Variants in MATN3 observed in about 807,000 individuals in gnomAD.
The protein encoded by MATN3 is matrilin 3.
In MATN3, 48 loss-of-function variants were observed where a neutral mutation model predicts 45.3. The ratio of observed to expected loss-of-function variants is 1.06; its 90% CI spans 0.84 to 1.35. The LOEUF is 1.35. Among genes scored for constraint, MATN3 ranks in the 40% most tolerant of loss-of-function variants. The probability of loss-of-function intolerance (pLI) is 0.00; values close to 1 mark genes in which losing one functional copy is unlikely to be tolerated. For missense variants in MATN3, 599 were observed against 628.0 expected (o/e 0.95, Z 0.49); for synonymous variants, 217 against 245.9 (o/e 0.88, Z 1.10).
Position 19,994,904 on chromosome 2 carries a change from C to T in MATN3, c.1295-495G>A, listed in dbSNP as rs148610489. Among the ~76,000 whole-genome samples the T allele has an allele frequency of 6.6e-3, 997 of 152,002 alleles. 15 individuals are homozygous for T. The highest frequency in any genetic ancestry group is 0.014 in the Middle Eastern group (4 of 294). The stretch of plus-strand genomic sequence containing the variant: ...AGGAGTTCAAGACCACCCTGGGCAA[C>T]GAAGCAAGGCCCTGTCTCTACAAAA... On this transcript the variant is annotated intron_variant, in intron 6 of 7. Transcript: ENST00000407540.
rs1465678108 is a variant in MATN3 at position 20,006,047 on chromosome 2, C to G, written c.487G>C (p.Gly163Arg). 1 of 1,613,924 alleles carries G rather than the reference C, an allele frequency of 6.2e-7. No homozygotes were observed. Among genetic ancestry groups the G allele is most frequent in the Non-Finnish European group, 8.5e-7 (1 of 1,179,900 alleles). Reference protein sequence around the residue: ...ITPLSTGTMSGLAIQTAMDEA... With the variant: ...ITPLSTGTMSRLAIQTAMDEA... ...TCCATTGCTGTCTGGATGGCTAGGC[C>G]TGACATGGTGCCTGTTGACAAGGGT... The change falls in exon 2 of 8, where the codon GGC (glycine) becomes CGC (arginine). Residue 163 changes from glycine to arginine, a missense_variant. Coordinates refer to ENST00000407540, the MANE Select transcript of MATN3 (RefSeq NM_002381.5).
intron 5 of MATN3, among the ~76,000 whole-genome samples, chr2:19,998,472 T>C (rs1031809428): frequency 2.0e-5 from 3 of 152,168 alleles, no homozygotes; most frequent in African/African-American, 4.8e-5. Flanking sequence ...AATATATAAA[T>C]AGGCCAGGCA....
Position 20,006,138 on chromosome 2 carries a change from C to T in MATN3, c.396G>A (p.Lys132=). The part of the protein sequence containing the change: ...VAVVNYASTV[K]IEFQLQAYTD... ...TGTAGGCCTGGAGTTGGAACTCGAT[C>T]TTCACAGTGCTAGCATAGTTCACCA... is the stretch of plus-strand genomic sequence containing the variant. The change falls in exon 2 of 8, where the codon AAG becomes AAA. Residue 132 remains lysine, a synonymous_variant. Transcript: ENST00000407540. 6.2e-7 allele frequency: 1 copy of T among 1,614,008 alleles called. No homozygotes were observed. Among genetic ancestry groups the T allele is most frequent in the African/African-American group, 1.3e-5 (1 of 75,050 alleles).
At chr2:19,997,411 A>G (rs1464671250) in intron 5 of MATN3, 152 bp from the exon 6 acceptor site, 10 of 698,552 alleles carry the variant, frequency 1.4e-5, no homozygotes, top group Non-Finnish European at 2.1e-5. Flanking sequence ...TGCAGGAGCA[A>G]GCCTGTTTTC....
chr2:20,001,791 G>A (rs913687189), intron 4 of MATN3, among the ~76,000 whole-genome samples, 164 bp downstream of exon 4: 2 of 152,150 alleles, frequency 1.3e-5, no homozygotes, highest in Non-Finnish European at 2.9e-5. Flanking sequence ...ATACATACAT[G>A]TTACCATTTC....
In MATN3 at chr2:19,999,921, T is replaced by C. The variant is rs1243728380; in HGVS notation, c.1168+520A>G. On this transcript the variant is annotated intron_variant, in intron 5 of 7. Coordinates refer to ENST00000407540, the MANE Select transcript of MATN3 (RefSeq NM_002381.5). ...TATAAGGCTGAGTTTCACCAATGATTGATCGTCTAGAAACTGCCAGGGAGT... is the reference window on the plus strand; with the variant it reads ...TATAAGGCTGAGTTTCACCAATGATCGATCGTCTAGAAACTGCCAGGGAGT... 2.0e-5 allele frequency among the ~76,000 whole-genome samples: 3 copies of C among 152,340 alleles called. No individual in the cohort carries two copies. In the East Asian group the frequency reaches 5.8e-4, roughly 29 times the overall value.
rs752227809 is a variant in MATN3 at position 19,994,355 on chromosome 2, G to A, written c.1349C>T (p.Ala450Val). Residue 450 changes from alanine (A) to valine (V), a missense_variant, in exon 7 of 8, where the codon GCT (alanine) becomes GTT (valine). By Grantham distance (64) the Ala-to-Val change is moderately conservative. Coordinates refer to ENST00000407540, the MANE Select transcript of MATN3 (RefSeq NM_002381.5). ...GACCTTGTCCTGGAATGCCAGTGTA[G>A]CTTCACATCCACAAGCATCTTCAGT... The part of the protein sequence containing the change: ...VSTEDACGCE[A>V]TLAFQDKVSS... 156 of 1,613,538 alleles carry A rather than the reference G, an allele frequency of 9.7e-5. No homozygotes were observed. Among genetic ancestry groups the A allele is most frequent in the Non-Finnish European group, 1.3e-4 (151 of 1,179,700 alleles).
At chr2:20,006,482 C>T (rs1265987994) in intron 1 of MATN3, among the ~76,000 whole-genome samples, 172 bp from the exon 2 acceptor site, 1 of 152,196 alleles carries the variant, frequency 6.6e-6, no homozygotes. Flanking sequence ...CCAAGGACTT[C>T]AGAATTCCCT....
intron 6 of MATN3, among the ~76,000 whole-genome samples, chr2:19,996,816 T>G (rs543600177): frequency 1.3e-5 from 2 of 152,340 alleles, no homozygotes; most frequent in Admixed American, 1.3e-4. Flanking sequence ...ATGTACTTAA[T>G]GCCACTGAAC....
At position 19,992,802 on chromosome 2, in the gene MATN3, A is replaced by C. The variant is rs1448874748; in HGVS notation, c.*309T>G. The C allele has an allele frequency of 3.3e-6, 1 of 298,804 alleles. No individual in the cohort carries two copies. The highest frequency in any genetic ancestry group is 6.1e-6 in the Non-Finnish European group (1 of 162,612). 18.5% of individuals were successfully genotyped at this position (298,804 alleles called of 1,614,324 possible). A position where few individuals can be genotyped will look rare whatever the true frequency, so the allele number is the denominator to read the frequency against. On this transcript the variant is annotated 3_prime_UTR_variant, in exon 8 of 8. Transcript: ENST00000407540. ...GGTTATCTAATATAAACATTTAAAA[A>C]TTAAATGGCTCAATTAGTAGATAAA...
rs1042749920 is a variant in MATN3, at chr2:20,012,495, C to A, written c.137G>T (p.Gly46Val). ...FRRLETRGPG[G>V]SPGRRPSPAA... ...AGGAGAGGGGCGGCGTCCAGGGCTG[C>A]CCCCGGGACCTCGGGTCTCCAGCCT... The change falls in exon 1 of 8, where the codon GGC becomes GTC. Residue 46 changes from glycine (G) to valine (V), a missense_variant. Physicochemically the swap from Gly to Val is moderately radical, Grantham distance 109. Coordinates refer to ENST00000407540, the MANE Select transcript of MATN3 (RefSeq NM_002381.5). This position sits in a 1 kb window ranked among gnomAD's most constrained non-coding sequence, Gnocchi z 4.3. 30 of 1,228,596 alleles carry A rather than the reference C, an allele frequency of 2.4e-5. No individual in the cohort carries two copies. Among genetic ancestry groups the A allele is most frequent in the Admixed American group, 8.5e-5 (2 of 23,540 alleles). The allele number at this position is 1,228,596 out of a possible 1,614,324, so 76.1% of individuals were successfully genotyped here.
In MATN3 at chr2:19,992,054, A is replaced by T. The variant is rs1672767730; in HGVS notation, c.*1057T>A. On this transcript the variant is annotated 3_prime_UTR_variant, in exon 8 of 8. Coordinates refer to ENST00000407540, the MANE Select transcript of MATN3 (RefSeq NM_002381.5). ...TCAAAATAACTGTTAATTCAGTATA[A>T]TTTAAAGAAATATCTTTAATAGACA... 1 of 152,140 alleles carries T rather than the reference A, an allele frequency of 6.6e-6. No homozygotes were observed. The highest frequency in any genetic ancestry group is 1.5e-5 in the Non-Finnish European group (1 of 68,000). 9.4% of individuals were successfully genotyped at this position (152,140 alleles called of 1,614,324 possible). A position where few individuals can be genotyped will look rare whatever the true frequency, so the allele number is the denominator to read the frequency against.
At chr2:20,007,568 T>A (rs1408595071) in intron 1 of MATN3, among the ~76,000 whole-genome samples, 1 of 152,214 alleles carries the variant, frequency 6.6e-6, no homozygotes, top group East Asian at 1.9e-4. Context: ...CTTAATCTTG[T>A]ATCTGTTTAG....
intron 1 of MATN3, among the ~76,000 whole-genome samples, chr2:20,010,021 G>A (rs532359836): frequency 1.6e-5 from 2 of 123,578 alleles, no homozygotes; most frequent in Admixed American, 1.0e-4. Context: ...CTGTGTCACA[G>A]ACCATGGTCA....
intron 2 of MATN3, chr2:20,003,959 C>G (rs1414445540): frequency 1.3e-5 from 2 of 152,204 alleles, no homozygotes; most frequent in Non-Finnish European, 2.9e-5. Flanking sequence ...ATTAGCTAAA[C>G]TACATCTCCA....
intron 6 of MATN3, among the ~76,000 whole-genome samples, chr2:19,996,027 A>G (rs1178872757): frequency 6.6e-6 from 1 of 152,222 alleles, no homozygotes; most frequent in African/African-American, 2.4e-5. Context: ...TATATATAAT[A>G]CTTGTTCAGT....
intron 2 of MATN3, among the ~76,000 whole-genome samples, 152 bp from the exon 3 acceptor site, chr2:20,003,438 C>T (rs1036999267): frequency 1.3e-5 from 2 of 152,220 alleles, no homozygotes; most frequent in African/African-American, 4.8e-5. Context: ...CTGCCTCTGG[C>T]TTATTAGCAA....
At chr2:20,007,398 A>G (rs1673128747) in intron 1 of MATN3, among the ~76,000 whole-genome samples, 1 of 146,630 alleles carries the variant, frequency 6.8e-6, no homozygotes, top group Non-Finnish European at 1.5e-5. Context: ...TCGTAGTGGC[A>G]TGTGCCTGTA....
intron 6 of MATN3, 98 bp downstream of exon 6, chr2:19,997,036 G>T: frequency 7.6e-7 from 1 of 1,317,670 alleles, no homozygotes; most frequent in Non-Finnish European, 1.1e-6. Flanking sequence ...TTCTGACAGG[G>T]AGAAAGAATC....
Sources: gnomAD v4.1 joint callset for allele counts (sites outside exome capture counted in the v4.1 genomes callset) on GRCh38, gnomAD v4.1.1 for gene constraint, Gnocchi (gnomAD v3.1) non-coding constraint, MANE v1.5 for transcripts, NCBI Gene and HGNC (gene_info 2026-07-23, HGNC 2026-07-21) for gene names.